Variants in CPZ observed in about 807,000 individuals in gnomAD.
The protein encoded by CPZ is carboxypeptidase Z.
A neutral mutation model predicts 61.8 loss-of-function variants in CPZ; 103 were observed. That is an observed-to-expected ratio of 1.67 (90% CI 1.42 to 1.96). The LOEUF is 1.96. Among genes scored for constraint, CPZ ranks in the 30% most tolerant of loss-of-function variants. CPZ has a pLI of 0.00. For missense variants in CPZ, 1,461 were observed against 914.9 expected (o/e 1.60, Z -7.70); for synonymous variants, 551 against 373.7 (o/e 1.47, Z -5.47).
At chr4:8,603,192 A>C (rs1179717016) in intron 3 of CPZ, 1 of 152,316 alleles carries the variant, frequency 6.6e-6, no homozygotes, top group Non-Finnish European at 1.5e-5. Context: ...ACCCAGGAAC[A>C]GCCTGCGGGC....
Position 8,606,760 on chromosome 4 carries a change from G to T in CPZ, c.930G>T (p.Thr310=), listed in dbSNP as rs886743564. ...AGGGTGCCGGCTACAACGGGTGGAC[G>T]AGCGGGAGGCAGAACGCGCAGAACC... The part of the protein sequence containing the change: ...AAEGAGYNGW[T]SGRQNAQNLD... The change falls in exon 6 of 11, where the codon ACG becomes ACT. Residue 310 remains threonine, a synonymous_variant. Transcript: ENST00000360986. 4 of 1,614,042 alleles carry T rather than the reference G, an allele frequency of 2.5e-6. No homozygotes were observed. The African/African-American group carries it at 4.0e-5, about 16-fold the overall frequency.
Position 8,601,104 on chromosome 4 carries a change from G to C in CPZ, c.122-19G>C. The stretch of plus-strand genomic sequence containing the variant: ...GGGCCACTGCAGGAGGGACTGACCT[G>C]CCGACCCTGCCTCCCCAGCCACCTG... On this transcript the variant is annotated intron_variant, in intron 2 of 10. Transcript: ENST00000360986. 1 of 1,553,116 alleles carries C rather than the reference G, an allele frequency of 6.4e-7. No individual in the cohort carries two copies. The highest frequency in any genetic ancestry group is 1.2e-5 in the South Asian group (1 of 81,228).
intron 2 of CPZ, among the ~76,000 whole-genome samples, chr4:8,600,731 G>T (rs1161682911): frequency 6.6e-6 from 1 of 152,260 alleles, no homozygotes; most frequent in Admixed American, 6.5e-5. Context: ...GACGCCCAAA[G>T]CAGGATGTGT....
At chr4:8,607,146 TG>T in intron 6 of CPZ, 120 bp from the exon 7 acceptor site, 1 of 1,250,356 alleles carries the variant, frequency 8.0e-7, no homozygotes, top group Non-Finnish European at 1.1e-6. Context: ...GCTGGTGCGT[TG>T]ATGTAGAGAC....
At position 8,606,197 on chromosome 4, in the gene CPZ, G is replaced by C; in HGVS notation, c.906+12G>C. 7 of 1,609,488 alleles carry C rather than the reference G, an allele frequency of 4.3e-6. No individual in the cohort carries two copies. Among genetic ancestry groups the C allele is most frequent in the Non-Finnish European group, 5.9e-6 (7 of 1,177,352 alleles). ...TGGCAGCTGCCGAGGTGAGCGCCCAGATGCCTGGATCCTGTGGGCCACCGC... is the reference window on the plus strand; with the variant it reads ...TGGCAGCTGCCGAGGTGAGCGCCCACATGCCTGGATCCTGTGGGCCACCGC... On this transcript the variant is annotated intron_variant, in intron 5 of 10. Transcript: ENST00000360986.
chr4:8,606,025 G>A lies in CPZ; in HGVS notation c.746G>A (p.Gly249Asp). The change falls in exon 5 of 11, where the codon GGC (glycine) becomes GAC (aspartate). Residue 249 changes from glycine to aspartate, a missense_variant. Transcript: ENST00000360986. Reference protein sequence around the residue: ...PEVKLIGNIHGNEVAGREMLI... With the variant: ...PEVKLIGNIHDNEVAGREMLI... ...GTGAAGCTCATCGGCAACATTCATG[G>A]CAACGAGGTGGCGGGCCGGGAGATG... 1 of 1,614,116 alleles carries A rather than the reference G, an allele frequency of 6.2e-7. No individual in the cohort carries two copies. The highest frequency in any genetic ancestry group is 8.5e-7 in the Non-Finnish European group (1 of 1,179,970).
At chr4:8,617,575 G>A (rs1166869940) in intron 9 of CPZ, among the ~76,000 whole-genome samples, 1 of 152,254 alleles carries the variant, frequency 6.6e-6, no homozygotes, top group African/African-American at 2.4e-5. Flanking sequence ...TTTAAGAGGA[G>A]CAAGATCATT....
chr4:8,599,433 T>G lies in CPZ; in HGVS notation c.89-20T>G. The stretch of plus-strand genomic sequence containing the variant: ...GGATGGCGAGGCAGGTCCCTAACAG[T>G]GCCATGTCTCTCTTTCCAGGTGAAT... On this transcript the variant is annotated intron_variant, in intron 1 of 10. Coordinates refer to ENST00000360986, the MANE Select transcript of CPZ (RefSeq NM_001014447.3). The G allele has an allele frequency of 6.2e-7, 1 of 1,603,326 alleles. No homozygotes were observed. The highest frequency in any genetic ancestry group is 1.1e-5 in the South Asian group (1 of 89,530).
chr4:8,619,282 A>G lies in CPZ; in HGVS notation c.1624A>G (p.Arg542Gly). 6.2e-7 allele frequency: 1 copy of G among 1,612,588 alleles called. No individual in the cohort carries two copies. Among genetic ancestry groups the G allele is most frequent in the Non-Finnish European group, 8.5e-7 (1 of 1,179,354 alleles). The change falls in exon 11 of 11, where the codon AGA becomes GGA. Residue 542 changes from arginine to glycine, a missense_variant. Arg to Gly is a moderately radical substitution (Grantham distance 125, BLOSUM62 -2). Coordinates refer to ENST00000360986, the MANE Select transcript of CPZ (RefSeq NM_001014447.3). ...ITTAPDGDYWRLLPPGIHIVI... is the reference protein window; with the variant it reads ...ITTAPDGDYWGLLPPGIHIVI... The stretch of plus-strand genomic sequence containing the variant: ...CACAGCCCCAGATGGTGACTACTGG[A>G]GACTGCTGCCCCCAGGTATCCACAT...
At chr4:8,610,122 T>G (rs936807439) in intron 7 of CPZ, among the ~76,000 whole-genome samples, 1 of 152,234 alleles carries the variant, frequency 6.6e-6, no homozygotes, top group African/African-American at 2.4e-5. Flanking sequence ...AAGGGCTTCC[T>G]GGGGCAGGAG....
At position 8,606,001 on chromosome 4, in the gene CPZ, T is replaced by G. The variant is rs372598897; in HGVS notation, c.722T>G (p.Val241Gly). The change falls in exon 5 of 11, where the codon GTG (valine) becomes GGG (glycine). Residue 241 changes from valine (V) to glycine (G), a missense_variant. Coordinates refer to ENST00000360986, the MANE Select transcript of CPZ (RefSeq NM_001014447.3). ...TATTTGCCCCCAGTGGAGCCCGAGG[T>G]GAAGCTCATCGGCAACATTCATGGC... ...PGQHELMEPE[V>G]KLIGNIHGNE... 34 of 1,612,798 alleles carry G rather than the reference T, an allele frequency of 2.1e-5. No homozygotes were observed. Among genetic ancestry groups the G allele is most frequent in the Admixed American group, 3.3e-5 (2 of 59,970 alleles).
Position 8,606,327 on chromosome 4 carries a change from AC to A in CPZ, c.906+146del, listed in dbSNP as rs1560295075. On this transcript the variant is annotated intron_variant, in intron 5 of 10. Coordinates refer to ENST00000360986, the MANE Select transcript of CPZ (RefSeq NM_001014447.3). ...ATTCAGCAGGTGTCGATACTGGCAA[AC>A]CCCTGCTTCAGGGGCTGGGGAGAAG... The A allele has an allele frequency of 1.1e-5, 9 of 826,060 alleles. No homozygotes were observed. In the African/African-American group the frequency reaches 1.4e-4, roughly 13 times the overall value. 51.2% of individuals were successfully genotyped at this position (826,060 alleles called of 1,614,324 possible).
At position 8,607,253 on chromosome 4, in the gene CPZ, T is replaced by G. The variant is rs1198223753; in HGVS notation, c.1069-14T>G. The stretch of plus-strand genomic sequence containing the variant: ...AAGCCCAGCCCTGAGGGCGGCCTCG[T>G]CTGTCCTGGGCAGGTGGCCCCGGAG... On this transcript the variant is annotated splice_polypyrimidine_tract_variant and intron_variant, in intron 6 of 10. Coordinates refer to ENST00000360986, the MANE Select transcript of CPZ (RefSeq NM_001014447.3). 1.9e-6 allele frequency: 3 copies of G among 1,612,864 alleles called. No homozygotes were observed. The highest frequency in any genetic ancestry group is 1.3e-5 in the African/African-American group (1 of 74,898).
intron 1 of CPZ, among the ~76,000 whole-genome samples, chr4:8,593,381 T>A (rs1471847105): frequency 6.6e-6 from 1 of 152,126 alleles, no homozygotes; most frequent in East Asian, 1.9e-4. Context: ...ACAGCAAGTC[T>A]CCGGAAGTGG....
rs770241679 is a variant in CPZ, at chr4:8,619,290, GC to G, written c.1637del (p.Pro546GlnfsTer26). The G allele has an allele frequency of 6.2e-7, 1 of 1,613,184 alleles. No individual in the cohort carries two copies. The highest frequency in any genetic ancestry group is 1.7e-5 in the Admixed American group (1 of 59,898). On this transcript the variant is annotated frameshift_variant, in exon 11 of 11. Transcript: ENST00000360986. LOFTEE classifies it low-confidence loss of function (END_TRUNC). ...APDGDYWRLLPPGIHIVIAQA... is the reference protein window; with the variant it reads ...APDGDYWRLLXPGIHIVIAQA... ...CAGATGGTGACTACTGGAGACTGCT[GC>G]CCCCAGGTATCCACATTGTCATTGC...
intron 4 of CPZ, 93 bp from the exon 5 acceptor site, chr4:8,605,896 C>T: frequency 8.0e-7 from 1 of 1,257,372 alleles, no homozygotes; most frequent in Non-Finnish European, 1.1e-6. Flanking sequence ...TGGTCCCAGC[C>T]CATCTGGTCA....
intron 1 of CPZ, among the ~76,000 whole-genome samples, chr4:8,598,616 G>T (rs557796275): frequency 6.0e-4 from 91 of 152,364 alleles, no homozygotes; most frequent in African/African-American, 2.1e-3. Flanking sequence ...GGCCAGGTGG[G>T]CTCCGGCATG....
intron 7 of CPZ, among the ~76,000 whole-genome samples, chr4:8,608,647 T>TGTGTGTGTATGCCTGTGTGC (rs767364969): frequency 7.0e-6 from 1 of 143,492 alleles, no homozygotes; most frequent in Admixed American, 6.7e-5. Context: ...TGCACGTGTG[T>TGTGTGTGTATGCCTGTGTGC]GCGTGTGCAT....
chr4:8,611,043 C>T (rs1715618880), intron 7 of CPZ: 3 of 369,206 alleles, frequency 8.1e-6, no homozygotes, highest in South Asian at 5.9e-5. Context: ...CTTTCACTTG[C>T]TCACGCATTC....
Sources: allele counts gnomAD v4.1 joint callset (sites outside exome capture counted in the v4.1 genomes callset), GRCh38; gene constraint gnomAD v4.1.1; transcripts MANE v1.5; gene names NCBI Gene and HGNC (gene_info 2026-07-23, HGNC 2026-07-21).